The following DENND4C variants were observed in gnomAD, a reference collection of about 807,000 sequenced individuals.
The protein encoded by DENND4C is DENN domain containing 4C.
DENND4C carries 108 observed loss-of-function variants against 203.0 expected under a neutral mutation model. The ratio of observed to expected loss-of-function variants is 0.53; its 90% CI spans 0.46 to 0.62. The LOEUF is 0.62. Ranked by LOEUF, DENND4C falls within the 20% of genes least tolerant of loss-of-function variation. The pLI, the probability that DENND4C is intolerant of heterozygous loss-of-function variation, is 0.00. For missense variants in DENND4C, 2,481 were observed against 2,301.2 expected (o/e 1.08, Z -1.60); for synonymous variants, 871 against 792.4 (o/e 1.10, Z -1.67).
At chr9:19,364,978 C>A (rs944909751) in intron 30 of DENND4C, among the ~76,000 whole-genome samples, 1 of 152,112 alleles carries the variant, frequency 6.6e-6, no homozygotes, top group Non-Finnish European at 1.5e-5. Context: ...GAAATTTTCC[C>A]TAAAGGAAAT....
At chr9:19,351,997 TA>T (rs1824252677) in intron 24 of DENND4C, 75 bp from the exon 25 acceptor site, 1 of 1,218,654 alleles carries the variant, frequency 8.2e-7, no homozygotes, top group Non-Finnish European at 1.2e-6. Context: ...GTGTCCCCCC[TA>T]AATACTTTGG....
At chr9:19,337,262 T>A (rs1417851894) in intron 20 of DENND4C, among the ~76,000 whole-genome samples, 3 of 152,222 alleles carry the variant, frequency 2.0e-5, no homozygotes, top group Admixed American at 6.5e-5. Flanking sequence ...AGTTACATTT[T>A]TTAAGATCTG....
intron 1 of DENND4C, among the ~76,000 whole-genome samples, chr9:19,243,325 CTTCA>C (rs1257773773): frequency 6.6e-6 from 1 of 152,256 alleles, no homozygotes; most frequent in Admixed American, 6.5e-5. Flanking sequence ...TGTATCACTC[CTTCA>C]TTCCTTTTTT....
intron 4 of DENND4C, among the ~76,000 whole-genome samples, chr9:19,289,030 A>C (rs552693625): frequency 1.3e-5 from 2 of 152,284 alleles, no homozygotes; most frequent in East Asian, 3.9e-4. Flanking sequence ...TTTACTTCTT[A>C]TATTTCCTTC....
chr9:19,329,577 CTA>C (rs1818620830), intron 16 of DENND4C, among the ~76,000 whole-genome samples: 1 of 152,042 alleles, frequency 6.6e-6, no homozygotes, highest in African/African-American at 2.4e-5. Context: ...GAGTAAATTG[CTA>C]TGTCAGATGG....
chr9:19,335,175 T>C (rs142737292), intron 18 of DENND4C, 70 bp downstream of exon 18: 235 of 1,128,410 alleles, frequency 2.1e-4, no homozygotes, highest in Non-Finnish European at 2.7e-4. Flanking sequence ...CCTTTAGTTA[T>C]TCATGAAACT....
Position 19,341,014 on chromosome 9 carries a change from CG to C in DENND4C, c.2907del (p.Ser970LeufsTer6), listed in dbSNP as rs773274885. On this transcript the variant is annotated frameshift_variant, in exon 21 of 33. Transcript: ENST00000434457. LOFTEE classifies it high-confidence loss of function. The part of the protein sequence containing the change: ...STGGQSDQGY[G>X]SKDELIKDDA... ...CAGGTGGTCAGTCTGACCAAGGATA[CG>C]GGTCTAAGGATGAACTTATAAAGGA... 6.2e-7 allele frequency: 1 copy of C among 1,609,616 alleles called. No homozygotes were observed. The highest frequency in any genetic ancestry group is 8.5e-7 in the Non-Finnish European group (1 of 1,177,996).
intron 1 of DENND4C, among the ~76,000 whole-genome samples, chr9:19,262,461 T>TTTTTTTTTTTTTTA (rs1235709567): frequency 7.4e-5 from 11 of 147,978 alleles, no homozygotes; most frequent in African/African-American, 2.5e-4. Context: ...TTTTTTTTTT[T>TTTTTTTTTTTTTTA]GAGACAGTCA....
intron 1 of DENND4C, among the ~76,000 whole-genome samples, chr9:19,250,872 T>G (rs1025823851): frequency 7.9e-5 from 12 of 152,244 alleles, no homozygotes; most frequent in African/African-American, 2.9e-4. Context: ...CCTGTGGCTT[T>G]GCAGGGTACC....
At chr9:19,365,038 C>A (rs1407184861) in intron 30 of DENND4C, among the ~76,000 whole-genome samples, 1 of 152,150 alleles carries the variant, frequency 6.6e-6, no homozygotes, top group African/African-American at 2.4e-5. Flanking sequence ...AGAGCACTCT[C>A]AAAAACAGTG....
chr9:19,237,793 A>C (rs542508837), intron 1 of DENND4C, among the ~76,000 whole-genome samples: 1 of 152,296 alleles, frequency 6.6e-6, no homozygotes, highest in East Asian at 1.9e-4. Flanking sequence ...TATAAACCAA[A>C]TATGTAATTT....
At chr9:19,300,537 TTAGGAAAAACGTCAA>T (rs1838345077) in intron 9 of DENND4C, among the ~76,000 whole-genome samples, 1 of 152,196 alleles carries the variant, frequency 6.6e-6, no homozygotes, top group South Asian at 2.1e-4. Flanking sequence ...GATTTCTATT[TTAGGAAAAACGTCAA>T]TTTCCAATTT....
In DENND4C at chr9:19,282,715, C is replaced by CTT. The variant is rs1554717864; in HGVS notation, c.306-4036_306-4035dup. Among the ~76,000 whole-genome samples, 198 of 86,650 alleles carry CTT rather than the reference C, an allele frequency of 2.3e-3. 3 individuals carry two copies. The highest frequency in any genetic ancestry group is 0.011 in the East Asian group (28 of 2,472). The allele number at this position is 86,650 out of a possible 152,430, so 56.8% of individuals were successfully genotyped here. A position where few individuals can be genotyped will look rare whatever the true frequency, so the allele number is the denominator to read the frequency against. ...TTTTCTTTTTCTTTTTTTCTTCTCTCTTTTTTTTTTTTTTTTTTTGAGACA... is the reference window on the plus strand; with the variant it reads ...TTTTCTTTTTCTTTTTTTCTTCTCTCTTTTTTTTTTTTTTTTTTTTTGAGACA... On this transcript the variant is annotated intron_variant, in intron 2 of 32. Coordinates refer to ENST00000434457, the MANE Select transcript of DENND4C (RefSeq NM_001330640.2).
intron 30 of DENND4C, among the ~76,000 whole-genome samples, chr9:19,362,485 A>T (rs1410804449): frequency 6.6e-6 from 1 of 152,080 alleles, no homozygotes; most frequent in East Asian, 1.9e-4. Flanking sequence ...ATAGAAAAGC[A>T]AATTATTTTG....
At chr9:19,256,566 C>T (rs1307928000) in intron 1 of DENND4C, among the ~76,000 whole-genome samples, 1 of 151,892 alleles carries the variant, frequency 6.6e-6, no homozygotes, top group Non-Finnish European at 1.5e-5. Context: ...CTGCCCGCCT[C>T]AGCCTTCCAA....
intron 3 of DENND4C, among the ~76,000 whole-genome samples, chr9:19,287,726 G>GT (rs1340588505): frequency 8.2e-6 from 1 of 121,992 alleles, no homozygotes; most frequent in African/African-American, 3.0e-5. Flanking sequence ...AAATATTGCA[G>GT]TTTTGCATAC....
At chr9:19,234,831 T>G (rs1157357186) in intron 1 of DENND4C, among the ~76,000 whole-genome samples, 1 of 149,978 alleles carries the variant, frequency 6.7e-6, no homozygotes, top group Non-Finnish European at 1.5e-5. Flanking sequence ...CGTGAGCCAC[T>G]TTGTCTGACC....
At chr9:19,334,444 C>T (rs1306002952) in intron 17 of DENND4C, among the ~76,000 whole-genome samples, 1 of 151,372 alleles carries the variant, frequency 6.6e-6, no homozygotes, top group African/African-American at 2.4e-5. Context: ...ACAAATGGAA[C>T]ATGGACACAT....
Position 19,350,595 on chromosome 9 carries a change from ATTTG to A in DENND4C, c.4318-103_4318-100del, listed in dbSNP as rs143094525. On this transcript the variant is annotated intron_variant, in intron 23 of 32. Transcript: ENST00000434457. The stretch of plus-strand genomic sequence containing the variant: ...GGTTTTGAAAAATGTGGGGATGATG[ATTTG>A]TTTAAGGATTATAGAGTTTAATTTT... 3,379 of 900,922 alleles carry A rather than the reference ATTTG, an allele frequency of 3.8e-3. 73 individuals are homozygous for A. The African/African-American group carries it at 0.051, about 14-fold the overall frequency. The allele number at this position is 900,922 out of a possible 1,614,324, so 55.8% of individuals were successfully genotyped here. A position where few individuals can be genotyped will look rare whatever the true frequency, so the allele number is the denominator to read the frequency against.
Sources: gnomAD v4.1 joint callset for allele counts (sites outside exome capture counted in the v4.1 genomes callset) on GRCh38, gnomAD v4.1.1 for gene constraint, MANE v1.5 for transcripts, NCBI Gene and HGNC (gene_info 2026-07-23, HGNC 2026-07-21) for gene names.